NR1H4: variants seen among roughly 807,000 people sequenced by gnomAD.
The protein encoded by NR1H4 is nuclear receptor subfamily 1 group H member 4.
In NR1H4, 23 loss-of-function variants were observed where a neutral mutation model predicts 58.5. That is an observed-to-expected ratio of 0.39 (90% CI 0.28 to 0.56). NR1H4 has a LOEUF of 0.56. Ranked by LOEUF, NR1H4 falls within the 20% of genes least tolerant of loss-of-function variation. The pLI is 0.58. For missense variants in NR1H4, 487 were observed against 576.9 expected, an observed-to-expected ratio of 0.84 and a Z score of 1.60; for synonymous variants, 214 against 198.0, an observed-to-expected ratio of 1.08 and a Z score of -0.68.
chr12:100,489,967 A>G (rs1206612389), intron 1 of NR1H4, among the ~76,000 whole-genome samples: 1 of 152,164 alleles, frequency 6.6e-6, no homozygotes, highest in Admixed American at 6.5e-5. Flanking sequence ...TAGGTCTCCA[A>G]TCAGGGATAA....
intron 4 of NR1H4, among the ~76,000 whole-genome samples, chr12:100,512,572 C>G (rs1348447451): frequency 6.7e-6 from 1 of 149,942 alleles, no homozygotes; most frequent in African/African-American, 2.5e-5. Flanking sequence ...ACCCGAGAGG[C>G]AGAGGTTGCA....
intron 1 of NR1H4, among the ~76,000 whole-genome samples, chr12:100,478,126 T>TA (rs1156872815): frequency 1.3e-5 from 2 of 151,632 alleles, no homozygotes; most frequent in Non-Finnish European, 1.5e-5. Context: ...TCATCGATTG[T>TA]AAAAAAATGT....
intron 3 of NR1H4, among the ~76,000 whole-genome samples, chr12:100,494,441 G>A (rs1273189785): frequency 1.3e-5 from 2 of 152,108 alleles, no homozygotes; most frequent in African/African-American, 4.8e-5. Context: ...ATATTTAGTA[G>A]GCACTTGATA....
intron 9 of NR1H4, among the ~76,000 whole-genome samples, chr12:100,542,066 C>T (rs1954949330): frequency 6.6e-6 from 1 of 152,078 alleles, no homozygotes; most frequent in Admixed American, 6.6e-5. Flanking sequence ...TTTGTGTCAG[C>T]CCAATGCAGT....
chr12:100,561,489 TGTTA>T (rs1458390828), intron 9 of NR1H4, among the ~76,000 whole-genome samples: 4 of 152,356 alleles, frequency 2.6e-5, no homozygotes, highest in East Asian at 3.9e-4. Flanking sequence ...AACCACTTTT[TGTTA>T]GTTGTTTAAG....
intron 6 of NR1H4, among the ~76,000 whole-genome samples, chr12:100,536,241 C>A (rs577171500): frequency 5.6e-4 from 85 of 152,226 alleles, no homozygotes; most frequent in Admixed American, 9.8e-4. Flanking sequence ...GTCTTCATAT[C>A]CAGACTACCA....
At chr12:100,544,347 C>T (rs1955009652) in intron 9 of NR1H4, among the ~76,000 whole-genome samples, 1 of 151,240 alleles carries the variant, frequency 6.6e-6, no homozygotes, top group Admixed American at 6.6e-5. Context: ...AAAACTTATT[C>T]ATTTTACTGA....
chr12:100,536,965 T>C lies in NR1H4; in HGVS notation c.849T>C (p.Ser283=). The change falls in exon 8 of 11, where the codon AGT becomes AGC. Residue 283 remains serine, a synonymous_variant. Transcript: ENST00000392986. Reference sequence around the variant, plus strand: ...AAATTTAGTTAAAAGAAGAATTCAGTGCAGAAGAAAATTTTCTCATTTTGA... The same window carrying C: ...AAATTTAGTTAAAAGAAGAATTCAGCGCAGAAGAAAATTTTCTCATTTTGA... ...ITNKILKEEF[S]AEENFLILTE... 6.3e-7 allele frequency: 1 copy of C among 1,592,310 alleles called. No individual in the cohort carries two copies. The highest frequency in any genetic ancestry group is 8.6e-7 in the Non-Finnish European group (1 of 1,167,390).
At chr12:100,507,589 G>A (rs1038005823) in intron 3 of NR1H4, among the ~76,000 whole-genome samples, 14 of 152,042 alleles carry the variant, frequency 9.2e-5, no homozygotes, top group African/African-American at 3.4e-4. Flanking sequence ...CAGCCTCCCA[G>A]GTAGCTGGGA....
At position 100,534,337 on chromosome 12, in the gene NR1H4, T is replaced by C. The variant is rs527324275; in HGVS notation, c.599-553T>C. Among the ~76,000 whole-genome samples, 15 of 152,380 alleles carry C rather than the reference T, an allele frequency of 9.8e-5. No homozygotes were observed. In the South Asian group the frequency reaches 1.7e-3, roughly 17 times the overall value. On this transcript the variant is annotated intron_variant, in intron 5 of 10. Coordinates refer to ENST00000392986, the MANE Select transcript of NR1H4 (RefSeq NM_001206979.2). ...CTTAAAATTAACAGGATTTTAAAAA[T>C]TTCCCTAAAGGATGTTAACATTTGT...
rs572515785 is a variant in NR1H4 at position 100,505,623 on chromosome 12, C to G, written c.80-5155C>G. 2.0e-3 allele frequency: 1,369 copies of G among 701,566 alleles called. 3 individuals carry two copies. The highest frequency in any genetic ancestry group is 2.9e-3 in the Non-Finnish European group (1,098 of 384,430). The allele number at this position is 701,566 out of a possible 1,614,324, so 43.5% of individuals were successfully genotyped here. ...CCATCCATGTGTTCTCATTTAAGAA[C>G]TCGTCCCTAAACTTCCATGGAGAAC... On this transcript the variant is annotated intron_variant, in intron 3 of 10. Coordinates refer to ENST00000392986, the MANE Select transcript of NR1H4 (RefSeq NM_001206979.2).
chr12:100,477,024 G>A (rs908796314), intron 1 of NR1H4, among the ~76,000 whole-genome samples: 7 of 152,090 alleles, frequency 4.6e-5, no homozygotes, highest in African/African-American at 1.7e-4. Flanking sequence ...AGCTGTATGA[G>A]GAGGCAAAAA....
intron 9 of NR1H4, among the ~76,000 whole-genome samples, chr12:100,545,515 G>A (rs771364606): frequency 7.9e-5 from 12 of 151,318 alleles, no homozygotes; most frequent in Non-Finnish European, 1.5e-4. Flanking sequence ...GGTGGCATGA[G>A]TCTGTAATCT....
rs556764657 is a variant in NR1H4, at chr12:100,563,379, C to T, written c.1321C>T (p.Leu441=). ...ACACTTTGCCTGTCTCCTGGGTCGC[C>T]TGACTGAATTACGGACATTCAATCA... The part of the protein sequence containing the change: ...PQHFACLLGR[L]TELRTFNHHH... The change falls in exon 11 of 11, where the codon CTG becomes TTG. Residue 441 remains leucine, a synonymous_variant. Coordinates refer to ENST00000392986, the MANE Select transcript of NR1H4 (RefSeq NM_001206979.2). The T allele has an allele frequency of 5.6e-6, 9 of 1,614,114 alleles. No homozygotes were observed. In the South Asian group the frequency reaches 8.8e-5, roughly 16 times the overall value.
chr12:100,477,078 C>T (rs1273009664), intron 1 of NR1H4, among the ~76,000 whole-genome samples: 1 of 152,098 alleles, frequency 6.6e-6, no homozygotes, highest in East Asian at 1.9e-4. Flanking sequence ...TTTTCTCTCC[C>T]TTCTCTCACC....
chr12:100,503,321 C>A (rs953239450), intron 3 of NR1H4: 121 of 1,537,846 alleles, frequency 7.9e-5, no homozygotes, highest in Non-Finnish European at 9.6e-5. Context: ...ATCAGTAAAC[C>A]ACACAACCTC....
intron 4 of NR1H4, among the ~76,000 whole-genome samples, chr12:100,524,388 C>T (rs1396494880): frequency 1.3e-5 from 2 of 152,150 alleles, no homozygotes; most frequent in African/African-American, 4.8e-5. Context: ...CCCCTAGGAA[C>T]CTCAGGGAAG....
At chr12:100,547,483 C>A (rs1427153836) in intron 9 of NR1H4, among the ~76,000 whole-genome samples, 1 of 152,078 alleles carries the variant, frequency 6.6e-6, no homozygotes, top group Non-Finnish European at 1.5e-5. Context: ...AAGTGGTATG[C>A]ACAACTTCAC....
At chr12:100,516,540 G>A (rs1954270925) in intron 4 of NR1H4, among the ~76,000 whole-genome samples, 1 of 152,016 alleles carries the variant, frequency 6.6e-6, no homozygotes, top group African/African-American at 2.4e-5. Flanking sequence ...CTAATTTTTT[G>A]TATTTTTAGT....
Sources: gnomAD v4.1 joint callset for allele counts (sites outside exome capture counted in the v4.1 genomes callset) on GRCh38, gnomAD v4.1.1 for gene constraint, MANE v1.5 for transcripts, NCBI Gene and HGNC (gene_info 2026-07-23, HGNC 2026-07-21) for gene names.